The following MAF variants were observed in gnomAD, a reference collection of about 807,000 sequenced individuals.
MAF encodes the protein MAF bZIP transcription factor, also known as transcription factor Maf.
In MAF, 10 loss-of-function variants were observed where a neutral mutation model predicts 22.0. The ratio of observed to expected loss-of-function variants is 0.45; its 90% confidence interval spans 0.28 to 0.77. The LOEUF is 0.77. Ranked by LOEUF, MAF falls within the 30% of genes least tolerant of loss-of-function variation. The probability of loss-of-function intolerance (pLI) is 0.12; values close to 1 mark genes in which losing one functional copy is unlikely to be tolerated. For missense variants in MAF, 544 were observed against 548.4 expected, an observed-to-expected ratio of 0.99 and a Z score of 0.08; for synonymous variants, 337 against 255.8, an observed-to-expected ratio of 1.32 and a Z score of -3.03.
the MAF span, among the ~76,000 whole-genome samples, chr16:79,335,971 G>C: frequency 6.6e-6 from 1 of 152,206 alleles, no homozygotes; most frequent in African/African-American, 2.4e-5. Context: ...GCCAGGTTGA[G>C]AGCCCAGCTT....
At chr16:79,393,089 C>T in the MAF span, among the ~76,000 whole-genome samples, 2 of 152,232 alleles carry the variant, frequency 1.3e-5, no homozygotes, top group African/African-American at 2.4e-5. Context: ...CTCCCGTCTC[C>T]CTGGCAGGAA....
the MAF span, among the ~76,000 whole-genome samples, chr16:79,402,330 G>T: frequency 6.6e-6 from 1 of 152,218 alleles, no homozygotes. Flanking sequence ...TGGGTGAGAA[G>T]GAGAGAGAAA....
At chr16:79,551,013 C>T in the MAF span, among the ~76,000 whole-genome samples, 1 of 152,282 alleles carries the variant, frequency 6.6e-6, no homozygotes, top group Non-Finnish European at 1.5e-5. Context: ...AGATCCCCCG[C>T]ATGGGGAGCA....
At chr16:79,539,274 C>T in the MAF span, among the ~76,000 whole-genome samples, 7 of 152,290 alleles carry the variant, frequency 4.6e-5, no homozygotes, top group East Asian at 1.9e-4. Flanking sequence ...GAGGCCGAGC[C>T]GGGTGGATAA....
At chr16:79,435,055 C>T in the MAF span, among the ~76,000 whole-genome samples, 73 of 152,316 alleles carry the variant, frequency 4.8e-4, no homozygotes, top group Admixed American at 3.1e-3. Context: ...AGTGAGTTGA[C>T]ACATCCCATC....
chr16:79,442,206 T>C, the MAF span, among the ~76,000 whole-genome samples: 28 of 152,294 alleles, frequency 1.8e-4, no homozygotes, highest in South Asian at 3.5e-3. Context: ...AGGAATCTAA[T>C]ATAGGGGATG....
chr16:79,577,982 G>A, the MAF span, among the ~76,000 whole-genome samples: 2 of 152,126 alleles, frequency 1.3e-5, no homozygotes, highest in African/African-American at 4.8e-5. Flanking sequence ...GGTTACATAT[G>A]CTGGCATTCT....
the MAF span, among the ~76,000 whole-genome samples, chr16:79,295,449 G>A: frequency 2.0e-5 from 3 of 152,188 alleles, no homozygotes; most frequent in African/African-American, 4.8e-5. Context: ...TTACAGCTCG[G>A]TGTTTGCCTT....
At chr16:79,448,618 G>T in the MAF span, among the ~76,000 whole-genome samples, 6 of 151,824 alleles carry the variant, frequency 4.0e-5, no homozygotes, top group Non-Finnish European at 8.8e-5. Flanking sequence ...GTAGAGACAG[G>T]GTTTCACTAT....
chr16:79,547,866 T>C, the MAF span, among the ~76,000 whole-genome samples: 1 of 147,690 alleles, frequency 6.8e-6, no homozygotes, highest in Non-Finnish European at 1.5e-5. Context: ...AACTATCTCC[T>C]TGTGTGTGTG....
At chr16:79,477,545 A>T in the MAF span, among the ~76,000 whole-genome samples, 1 of 152,158 alleles carries the variant, frequency 6.6e-6, no homozygotes, top group Non-Finnish European at 1.5e-5. Context: ...GTACCACATG[A>T]CAAGCATGGT....
the MAF span, among the ~76,000 whole-genome samples, chr16:79,450,551 C>T: frequency 2.0e-5 from 3 of 152,130 alleles, no homozygotes; most frequent in African/African-American, 7.2e-5. Flanking sequence ...TAGTGAAGAA[C>T]GTGCTCAATC....
At chr16:79,356,823 G>A in the MAF span, among the ~76,000 whole-genome samples, 1 of 152,134 alleles carries the variant, frequency 6.6e-6, no homozygotes, top group African/African-American at 2.4e-5. Flanking sequence ...ATAAATGCTT[G>A]CACTTGTGGG....
the MAF span, among the ~76,000 whole-genome samples, chr16:79,546,351 G>T: frequency 6.6e-6 from 1 of 152,000 alleles, no homozygotes; most frequent in Non-Finnish European, 1.5e-5. Flanking sequence ...ACTAGTTTTA[G>T]GGAATAAACT....
At chr16:79,353,526 G>A in the MAF span, among the ~76,000 whole-genome samples, 3,313 of 152,188 alleles carry the variant, frequency 0.022, 125 homozygotes, top group African/African-American at 0.076. Context: ...TATGATCTCC[G>A]TATCAGGGGA....
chr16:79,213,053 T>C, the MAF span, among the ~76,000 whole-genome samples: 1 of 152,180 alleles, frequency 6.6e-6, no homozygotes, highest in African/African-American at 2.4e-5. Context: ...ATCTCTATGT[T>C]TGAGAATGGG....
chr16:79,211,032 G>GGTGTGTGTGTGTGT, the MAF span, among the ~76,000 whole-genome samples: 2 of 30,442 alleles, frequency 6.6e-5, no homozygotes, highest in South Asian at 1.8e-3. Flanking sequence ...TGTATGGTGA[G>GGTGTGTGTGTGTGT]GAGTGTGTGT....
chr16:79,257,472 C>A, the MAF span, among the ~76,000 whole-genome samples: 8 of 152,132 alleles, frequency 5.3e-5, no homozygotes, highest in African/African-American at 1.9e-4. Context: ...CAGAAAAGGC[C>A]ATAATGTCTA....
At chr16:79,302,559 G>A in the MAF span, among the ~76,000 whole-genome samples, 5 of 152,170 alleles carry the variant, frequency 3.3e-5, no homozygotes, top group Non-Finnish European at 7.3e-5. Flanking sequence ...CCAAGAAAAC[G>A]CTTCTTCTTC....
Sources: allele counts gnomAD v4.1 joint callset (sites outside exome capture counted in the v4.1 genomes callset), GRCh38; gene constraint gnomAD v4.1.1; transcripts MANE v1.5; gene names NCBI Gene and HGNC (gene_info 2026-07-23, HGNC 2026-07-21).